PPM1E: variants seen among roughly 807,000 people sequenced by gnomAD.
PPM1E encodes protein phosphatase, Mg2+/Mn2+ dependent 1E, also known as protein phosphatase 1E.
PPM1E carries 20 observed loss-of-function variants against 65.9 expected under a neutral mutation model. The ratio of observed to expected loss-of-function variants is 0.30; its 90% CI spans 0.21 to 0.44. The LOEUF (loss-of-function observed/expected upper bound fraction) is 0.44, where lower values mean the gene tolerates loss of function less well. Among genes scored for constraint, PPM1E ranks in the 20% least tolerant of loss-of-function variants. PPM1E has a pLI of 1.00. For synonymous variants in PPM1E, 352 were observed against 374.9 expected, an observed-to-expected ratio of 0.94 and a Z score of 0.70; for missense variants, 713 against 953.1, an observed-to-expected ratio of 0.75 and a Z score of 3.32.
Position 58,903,202 on chromosome 17 carries a change from G to A in PPM1E, c.465-52447G>A, listed in dbSNP as rs540511711. 2.6e-5 allele frequency among the ~76,000 whole-genome samples: 4 copies of A among 152,236 alleles called. 1 individual carries two copies. In the South Asian group the frequency reaches 8.3e-4, roughly 32 times the overall value. On this transcript the variant is annotated intron_variant, in intron 1 of 6. Transcript: ENST00000308249. ...CATTATTGCTTTTCTGGTCAAGCTTGGACATGAGAGTCTCTCTTGATTGTG... is the reference window on the plus strand; with the variant it reads ...CATTATTGCTTTTCTGGTCAAGCTTAGACATGAGAGTCTCTCTTGATTGTG...
intron 1 of PPM1E, among the ~76,000 whole-genome samples, chr17:58,846,971 GTGAGA>G (rs1350061261): frequency 6.6e-6 from 1 of 152,160 alleles, no homozygotes; most frequent in African/African-American, 2.4e-5. Context: ...TCTAACTGGT[GTGAGA>G]TGGTATCTCA....
intron 1 of PPM1E, among the ~76,000 whole-genome samples, chr17:58,899,044 A>G (rs1198905095): frequency 6.6e-6 from 1 of 152,034 alleles, no homozygotes; most frequent in Non-Finnish European, 1.5e-5. Context: ...GCATTAGGAG[A>G]AATACCTAAT....
At chr17:58,937,879 C>CAAAAAAAAAAAAAA (rs1226139023) in intron 1 of PPM1E, among the ~76,000 whole-genome samples, 2 of 82,876 alleles carry the variant, frequency 2.4e-5, no homozygotes, top group Non-Finnish European at 2.3e-5. Flanking sequence ...GACTCCATCT[C>CAAAAAAAAAAAAAA]AAAAAAAAAA....
At chr17:58,885,880 G>T (rs1460832360) in intron 1 of PPM1E, among the ~76,000 whole-genome samples, 1 of 152,218 alleles carries the variant, frequency 6.6e-6, no homozygotes, top group Non-Finnish European at 1.5e-5. Context: ...ACACATGGGA[G>T]TAGGGAGGAG....
chr17:58,906,932 G>A (rs997877984), intron 1 of PPM1E, among the ~76,000 whole-genome samples: 1 of 152,016 alleles, frequency 6.6e-6, no homozygotes, highest in African/African-American at 2.4e-5. Flanking sequence ...TTTGATTCAT[G>A]TGTTATTTAG....
At chr17:58,785,960 C>T (rs2050096249) in intron 1 of PPM1E, among the ~76,000 whole-genome samples, 1 of 148,180 alleles carries the variant, frequency 6.7e-6, no homozygotes, top group Admixed American at 6.8e-5. Context: ...TAAATCTCAG[C>T]AACCTCAGCA....
At chr17:58,788,854 T>G (rs1168658880) in intron 1 of PPM1E, among the ~76,000 whole-genome samples, 1 of 152,182 alleles carries the variant, frequency 6.6e-6, no homozygotes, top group Non-Finnish European at 1.5e-5. Flanking sequence ...TTGAAACTGA[T>G]CAACTAAAGA....
chr17:58,775,907 C>T (rs1406345536), intron 1 of PPM1E, among the ~76,000 whole-genome samples: 3 of 101,466 alleles, frequency 3.0e-5, no homozygotes, highest in East Asian at 6.2e-4. Context: ...GGCGACAGAG[C>T]GAGACTCCGT....
In PPM1E at chr17:58,810,593, C is replaced by T. The variant is rs562291226; in HGVS notation, c.464+54132C>T. On this transcript the variant is annotated intron_variant, in intron 1 of 6. Transcript: ENST00000308249. The stretch of plus-strand genomic sequence containing the variant: ...AAGATTGGTCCAAAAGTTCAAGTGC[C>T]GTCAGCCTAATCATTCAGTACCTGC... Among the ~76,000 whole-genome samples the T allele has an allele frequency of 1.2e-4, 19 of 152,230 alleles. No homozygotes were observed. In the South Asian group the frequency reaches 2.3e-3, roughly 18 times the overall value.
At chr17:58,873,562 ATAG>A (rs1275734647) in intron 1 of PPM1E, among the ~76,000 whole-genome samples, 3 of 123,904 alleles carry the variant, frequency 2.4e-5, no homozygotes, top group Non-Finnish European at 5.2e-5. Flanking sequence ...CAAAATGCTC[ATAG>A]TATTATTATT....
At chr17:58,782,804 C>T (rs2050063439) in intron 1 of PPM1E, among the ~76,000 whole-genome samples, 1 of 151,902 alleles carries the variant, frequency 6.6e-6, no homozygotes, top group Non-Finnish European at 1.5e-5. Context: ...TAAGAATTAA[C>T]AGATGTGAGG....
intron 1 of PPM1E, among the ~76,000 whole-genome samples, chr17:58,775,786 C>T (rs1045892955): frequency 6.7e-6 from 1 of 150,004 alleles, no homozygotes; most frequent in Non-Finnish European, 1.5e-5. Context: ...CGGTGGCGGG[C>T]GCCTGTAGTC....
intron 1 of PPM1E, among the ~76,000 whole-genome samples, chr17:58,867,270 G>A (rs887960721): frequency 6.6e-6 from 1 of 152,286 alleles, no homozygotes; most frequent in Non-Finnish European, 1.5e-5. Context: ...GAGCCATCGC[G>A]CCCTGCCTGG....
At chr17:58,930,440 G>A (rs1333475464) in intron 1 of PPM1E, among the ~76,000 whole-genome samples, 4 of 151,792 alleles carry the variant, frequency 2.6e-5, no homozygotes, top group African/African-American at 9.7e-5. Context: ...CTCCATATTG[G>A]GAGACAGAGT....
At chr17:58,805,394 G>A (rs1395474352) in intron 1 of PPM1E, among the ~76,000 whole-genome samples, 1 of 152,124 alleles carries the variant, frequency 6.6e-6, no homozygotes, top group Non-Finnish European at 1.5e-5. Flanking sequence ...GGGATTACAG[G>A]CATGCGCCAC....
intron 1 of PPM1E, among the ~76,000 whole-genome samples, chr17:58,822,965 A>G (rs1053624304): frequency 6.6e-5 from 10 of 152,168 alleles, no homozygotes; most frequent in African/African-American, 2.4e-4. Flanking sequence ...TGAGGCAGCA[A>G]AGTATTGTGA....
intron 1 of PPM1E, among the ~76,000 whole-genome samples, chr17:58,788,657 T>G (rs1409810510): frequency 1.3e-5 from 2 of 152,150 alleles, no homozygotes; most frequent in Non-Finnish European, 2.9e-5. Context: ...TAGGAGGAGG[T>G]GGACAGAAAA....
intron 1 of PPM1E, among the ~76,000 whole-genome samples, chr17:58,868,619 G>T (rs1598619292): frequency 1.5e-5 from 2 of 136,114 alleles, no homozygotes; most frequent in Non-Finnish European, 3.1e-5. Flanking sequence ...GGTCAGTTTT[G>T]GAGTTTAAAA....
intron 1 of PPM1E, among the ~76,000 whole-genome samples, chr17:58,810,331 C>T (rs111402324): frequency 2.0e-5 from 3 of 152,068 alleles, no homozygotes; most frequent in Non-Finnish European, 2.9e-5. Context: ...CTCAGCCTCC[C>T]GAGTAGCTGG....
Sources: allele counts gnomAD v4.1 joint callset (sites outside exome capture counted in the v4.1 genomes callset), GRCh38; gene constraint gnomAD v4.1.1; transcripts MANE v1.5; gene names NCBI Gene and HGNC (gene_info 2026-07-23, HGNC 2026-07-21).